Variants in DGKG observed in about 807,000 individuals in gnomAD.
DGKG encodes DAG kinase gamma.
Under a neutral mutation model 105.3 loss-of-function variants are expected in DGKG, and 78 were observed. The observed-to-expected ratio is 0.74, with a 90% CI of 0.62 to 0.89. The LOEUF is 0.89. Ranked by LOEUF, DGKG falls within the 40% of genes least tolerant of loss-of-function variation. The pLI is 0.00. For synonymous variants in DGKG, 346 were observed against 367.1 expected (o/e 0.94, Z 0.66); for missense variants, 958 against 1,020.1 (o/e 0.94, Z 0.83).
intron 24 of DGKG, among the ~76,000 whole-genome samples, chr3:186,151,892 A>T (rs2108467100): frequency 6.6e-6 from 1 of 152,170 alleles, no homozygotes; most frequent in Middle Eastern, 3.4e-3. Context: ...CAGCCTGGCC[A>T]ACATGGTGAA....
chr3:186,281,925 A>G (rs1722847517), intron 7 of DGKG, among the ~76,000 whole-genome samples: 1 of 152,198 alleles, frequency 6.6e-6, no homozygotes, highest in African/African-American at 2.4e-5. Context: ...TAGGGGACGG[A>G]TTCTGTTCTG....
intron 12 of DGKG, among the ~76,000 whole-genome samples, chr3:186,268,027 A>G (rs1489148627): frequency 1.3e-5 from 2 of 152,080 alleles, no homozygotes; most frequent in Admixed American, 6.5e-5. Context: ...CACAGTCATG[A>G]GCCGGCCTGT....
rs559513563 is a variant in DGKG at position 186,216,085 on chromosome 3, G to A, written c.1827-4200C>T. Among the ~76,000 whole-genome samples, 5 of 151,870 alleles carry A rather than the reference G, an allele frequency of 3.3e-5. No individual in the cohort carries two copies. In the East Asian group the frequency reaches 7.8e-4, roughly 24 times the overall value. On this transcript the variant is annotated intron_variant, in intron 20 of 24. Coordinates refer to ENST00000265022, the MANE Select transcript of DGKG (RefSeq NM_001346.3). ...ACAATCTTGGCTCACTGCAACCTCC[G>A]CCTCCCCGGTTCAAGCGATTCTCAT... is the stretch of plus-strand genomic sequence containing the variant.
chr3:186,155,782 T>A (rs1285967499), intron 24 of DGKG, among the ~76,000 whole-genome samples: 1 of 152,216 alleles, frequency 6.6e-6, no homozygotes, highest in Admixed American at 6.5e-5. Flanking sequence ...ACTGTATGAG[T>A]GTCCTGGTCT....
Position 186,280,660 on chromosome 3 carries a change from A to G in DGKG, c.669+10T>C, listed in dbSNP as rs1174102581. The G allele has an allele frequency of 2.5e-6, 4 of 1,611,828 alleles. No homozygotes were observed. Among genetic ancestry groups the G allele is most frequent in the African/African-American group, 1.3e-5 (1 of 74,886 alleles). ...CACTCCAAAGCCACCCCATCCTTAT[A>G]GAAACTCACAGGCCTCAGCTCTGTG... On this transcript the variant is annotated intron_variant, in intron 8 of 24. Transcript: ENST00000265022.
At chr3:186,151,688 T>A (rs1224544120) in intron 24 of DGKG, among the ~76,000 whole-genome samples, 1 of 152,138 alleles carries the variant, frequency 6.6e-6, no homozygotes, top group African/African-American at 2.4e-5. Flanking sequence ...TGCTGGAGAA[T>A]AACATGACAC....
intron 20 of DGKG, among the ~76,000 whole-genome samples, chr3:186,236,040 C>T (rs16860568): frequency 0.039 from 5,904 of 152,272 alleles, 124 homozygotes; most frequent in Middle Eastern, 0.044. Flanking sequence ...CACTGGACTT[C>T]GAATCTCTAG....
At chr3:186,244,630 C>T (rs1311470571) in intron 19 of DGKG, among the ~76,000 whole-genome samples, 1 of 152,004 alleles carries the variant, frequency 6.6e-6, no homozygotes, top group Non-Finnish European at 1.5e-5. Flanking sequence ...GGTCTCAAAA[C>T]TCCTGGCCTC....
chr3:186,323,582 A>G (rs1466302730), intron 1 of DGKG, among the ~76,000 whole-genome samples: 2 of 152,178 alleles, frequency 1.3e-5, no homozygotes, highest in Non-Finnish European at 2.9e-5. Flanking sequence ...TCATGAGGTC[A>G]GGAGATCGAG....
At chr3:186,175,488 A>G (rs1177512771) in intron 22 of DGKG, among the ~76,000 whole-genome samples, 3 of 152,182 alleles carry the variant, frequency 2.0e-5, no homozygotes, top group Non-Finnish European at 4.4e-5. Flanking sequence ...AGCTCTGTGC[A>G]TGAGGGTCAG....
At chr3:186,299,899 A>C (rs1294214977) in intron 3 of DGKG, among the ~76,000 whole-genome samples, 1 of 145,084 alleles carries the variant, frequency 6.9e-6, no homozygotes, top group Non-Finnish European at 1.5e-5. Context: ...TAGTGGCACG[A>C]TCTCAGCTCA....
intron 20 of DGKG, among the ~76,000 whole-genome samples, chr3:186,235,871 C>T (rs1157733088): frequency 6.6e-6 from 1 of 152,202 alleles, no homozygotes; most frequent in African/African-American, 2.4e-5. Context: ...GCCTACCTGC[C>T]ATGCAGTCCA....
chr3:186,147,456 GA>G lies in DGKG; in HGVS notation c.*2633del, dbSNP rs1448798388. The G allele has an allele frequency of 1.0e-6, 1 of 985,286 alleles. No homozygotes were observed. The highest frequency in any genetic ancestry group is 1.2e-6 in the Non-Finnish European group (1 of 829,880). The allele number at this position is 985,286 out of a possible 1,614,324, so 61.0% of individuals were successfully genotyped here. A position where few individuals can be genotyped will look rare whatever the true frequency, so the allele number is the denominator to read the frequency against. On this transcript the variant is annotated 3_prime_UTR_variant, in exon 25 of 25. Coordinates refer to ENST00000265022, the MANE Select transcript of DGKG (RefSeq NM_001346.3). Reference sequence around the variant, plus strand: ...ACTATGATGAGGGACTCCACCACAAGAAACCACAGTCATAGTGTTTAAAGGA... The same window carrying G: ...ACTATGATGAGGGACTCCACCACAAGAACCACAGTCATAGTGTTTAAAGGA...
At chr3:186,200,633 C>T (rs1486575084) in intron 21 of DGKG, among the ~76,000 whole-genome samples, 1 of 152,164 alleles carries the variant, frequency 6.6e-6, no homozygotes, top group Non-Finnish European at 1.5e-5. Context: ...CTAGTGTGCG[C>T]TGTGCTGAAA....
intron 22 of DGKG, among the ~76,000 whole-genome samples, chr3:186,182,136 A>T (rs1018735192): frequency 4.6e-5 from 7 of 152,210 alleles, no homozygotes; most frequent in Admixed American, 3.3e-4. Context: ...GTGGAACTCC[A>T]CATGGGCAGC....
intron 19 of DGKG, among the ~76,000 whole-genome samples, chr3:186,251,079 C>A (rs1208744723): frequency 6.6e-6 from 1 of 151,912 alleles, no homozygotes; most frequent in Non-Finnish European, 1.5e-5. Context: ...GCTGTCCTTG[C>A]ACTGAGGGAG....
intron 20 of DGKG, among the ~76,000 whole-genome samples, chr3:186,232,752 A>G (rs1720215195): frequency 6.6e-6 from 1 of 152,250 alleles, no homozygotes; most frequent in South Asian, 2.1e-4. Flanking sequence ...AACAAGATAA[A>G]TGATGAGAAA....
At chr3:186,272,398 C>A in intron 10 of DGKG, 55 bp from the exon 11 acceptor site, 1 of 1,319,968 alleles carries the variant, frequency 7.6e-7, no homozygotes. Context: ...TAGGAAAGGC[C>A]CAGCTGCCCT....
chr3:186,323,327 T>G (rs79569140), intron 1 of DGKG, among the ~76,000 whole-genome samples: 4,219 of 152,322 alleles, frequency 0.028, 201 homozygotes, highest in African/African-American at 0.097. Context: ...TATCAATGAA[T>G]GGACCTGTAC....
Sources: gnomAD v4.1 joint callset for allele counts (sites outside exome capture counted in the v4.1 genomes callset) on GRCh38, gnomAD v4.1.1 for gene constraint, MANE v1.5 for transcripts, NCBI Gene and HGNC (gene_info 2026-07-23, HGNC 2026-07-21) for gene names.